The following PXDN variants were observed in gnomAD, a reference collection of about 807,000 sequenced individuals.
The protein encoded by PXDN is peroxidasin homolog.
Under a neutral mutation model 140.3 loss-of-function variants are expected in PXDN, and 77 were observed. The ratio of observed to expected loss-of-function variants is 0.55; its 90% CI spans 0.46 to 0.66. The LOEUF is 0.66. Ranked by LOEUF, PXDN falls within the 30% of genes least tolerant of loss-of-function variation. The pLI is 0.00. For synonymous variants in PXDN, 911 were observed against 857.4 expected, an observed-to-expected ratio of 1.06 and a Z score of -1.09; for missense variants, 1,838 against 2,039.5, an observed-to-expected ratio of 0.90 and a Z score of 1.90.
chr2:1,737,156 A>C (rs1404446594), intron 1 of PXDN, among the ~76,000 whole-genome samples: 1 of 152,222 alleles, frequency 6.6e-6, no homozygotes, highest in East Asian at 1.9e-4. Context: ...GGAGGCAGTC[A>C]GATCTGGAAT....
chr2:1,663,996 G>A (rs1558497923), intron 11 of PXDN: 1 of 548,150 alleles, frequency 1.8e-6, no homozygotes, highest in East Asian at 3.1e-5. Flanking sequence ...AGAACAGAGG[G>A]AAAAGCACTA....
chr2:1,665,136 C>T (rs566443409), intron 10 of PXDN, 62 bp from the exon 11 acceptor site: 3 of 1,252,088 alleles, frequency 2.4e-6, no homozygotes, highest in South Asian at 2.6e-5. Context: ...AAAAACGCGA[C>T]CAAGAAAATG....
chr2:1,662,076 T>A lies in PXDN; in HGVS notation c.1676A>T (p.Asn559Ile), dbSNP rs766652145. 1 of 1,589,958 alleles carries A rather than the reference T, an allele frequency of 6.3e-7. No individual in the cohort carries two copies. Among genetic ancestry groups the A allele is most frequent in the Non-Finnish European group, 8.6e-7 (1 of 1,168,280 alleles). The change falls in exon 13 of 23, where the codon AAC (asparagine) becomes ATC (isoleucine). Residue 559 changes from asparagine to isoleucine, a missense_variant. Asn to Ile is a moderately radical substitution (Grantham distance 149). This residue lies in a region of PXDN where 537 missense variants were observed against 583.9 expected (regional missense o/e 0.92). Coordinates refer to ENST00000252804, the MANE Select transcript of PXDN (RefSeq NM_012293.3). ...QGEPEPAITW[N>I]KDGVQVTESG... ...CTCGGGCACCAGACCGCCTACCTTG[T>A]TCCAGGTGATGGCTGGCTCGGGCTC...
rs1684846889 is a variant in PXDN at position 1,714,208 on chromosome 2, A to G, written c.201-21074T>C. Among the ~76,000 whole-genome samples, 1 of 152,144 alleles carries G rather than the reference A, an allele frequency of 6.6e-6. No individual in the cohort carries two copies. The highest frequency in any genetic ancestry group is 2.4e-5 in the African/African-American group (1 of 41,430). ...GCTCTTACATCTGCACTTGATTACT[A>G]TGGATTTACACGTCACACCCGCAGC... On this transcript the variant is annotated intron_variant, in intron 1 of 22. Coordinates refer to ENST00000252804, the MANE Select transcript of PXDN (RefSeq NM_012293.3). The surrounding 1 kb of genome is among the most constrained non-coding windows in gnomAD (Gnocchi z 4.3).
At chr2:1,635,879 C>T (rs980773035) in intron 21 of PXDN, 1 of 352,034 alleles carries the variant, frequency 2.8e-6, no homozygotes, top group Admixed American at 4.1e-5. Flanking sequence ...GTCAAGTCTG[C>T]CTTATTTTCC....
rs1182734865 is a variant in PXDN at position 1,649,470 on chromosome 2, C to T, written c.2310G>A (p.Val770=). Residue 770 remains valine (V), a synonymous_variant, in exon 17 of 23, where the codon GTG becomes GTA. Coordinates refer to ENST00000252804, the MANE Select transcript of PXDN (RefSeq NM_012293.3). The surrounding 1 kb of genome is among the most constrained non-coding windows in gnomAD (Gnocchi z 7.1). ...GAGGGGTGTTGAAGCCATTCTCGTACACGGATTTCAGCAGGCGCTCGAAGG... is the reference window on the plus strand; with the variant it reads ...GAGGGGTGTTGAAGCCATTCTCGTATACGGATTTCAGCAGGCGCTCGAAGG... ...LTAFERLLKS[V]YENGFNTPRG... is the part of the protein sequence containing the mutation. 1.2e-6 allele frequency: 2 copies of T among 1,613,998 alleles called. No individual in the cohort carries two copies. Among genetic ancestry groups the T allele is most frequent in the East Asian group, 2.2e-5 (1 of 44,858 alleles).
Position 1,634,266 on chromosome 2 carries a change from CG to C in PXDN, c.4377del (p.Val1460Ter). ...GGACAGCAGGCCCCTGGGATGTTCA[CG>C]GGGACAGCACAGGTGGCAGGGGGGC... Reference protein sequence around the residue: ...EACPPATCAVPVNIPGACCPV... With the variant: ...EACPPATCAVXVNIPGACCPV... On this transcript the variant is annotated frameshift_variant, in exon 23 of 23. Transcript: ENST00000252804. LOFTEE classifies it low-confidence loss of function (END_TRUNC). 6.2e-7 allele frequency: 1 copy of C among 1,607,970 alleles called. No individual in the cohort carries two copies. The highest frequency in any genetic ancestry group is 8.5e-7 in the Non-Finnish European group (1 of 1,177,486).
Position 1,728,084 on chromosome 2 carries a change from G to A in PXDN, c.200+16172C>T, listed in dbSNP as rs1685231113. On this transcript the variant is annotated intron_variant, in intron 1 of 22. Transcript: ENST00000252804. ...CAAGTGAGTAGCCAGGACTACAGGC[G>A]TATACCACCATGTGCAGCTAATTTT... Among the ~76,000 whole-genome samples the A allele has an allele frequency of 3.3e-5, 5 of 152,226 alleles. No homozygotes were observed. The South Asian group carries it at 8.3e-4, about 25-fold the overall frequency.
chr2:1,706,185 G>T (rs915106583), intron 1 of PXDN, among the ~76,000 whole-genome samples: 2 of 152,160 alleles, frequency 1.3e-5, no homozygotes, highest in African/African-American at 4.8e-5. Flanking sequence ...GAGCTCCCGG[G>T]TTATTCTATG....
chr2:1,686,826 G>A (rs563125695), intron 4 of PXDN, among the ~76,000 whole-genome samples: 37 of 152,294 alleles, frequency 2.4e-4, no homozygotes, highest in Middle Eastern at 6.8e-3. Context: ...ACATCGCTGT[G>A]TCCAGTGAGC....
intron 4 of PXDN, among the ~76,000 whole-genome samples, chr2:1,684,856 T>C (rs1373476573): frequency 5.3e-5 from 8 of 152,260 alleles, no homozygotes; most frequent in Non-Finnish European, 1.2e-4. Flanking sequence ...GTGGGTTTTT[T>C]CCTCTTAAGT....
intron 1 of PXDN, among the ~76,000 whole-genome samples, chr2:1,693,981 C>T (rs777236754): frequency 3.3e-5 from 5 of 152,176 alleles, no homozygotes; most frequent in Admixed American, 6.5e-5. Flanking sequence ...CATGCAGAGG[C>T]GTCGGCTCTA....
intron 19 of PXDN, among the ~76,000 whole-genome samples, chr2:1,641,828 A>G (rs1460451842): frequency 6.6e-6 from 1 of 152,222 alleles, no homozygotes; most frequent in Non-Finnish European, 1.5e-5. Flanking sequence ...ACTTCTTAAT[A>G]AGCAGCTAAC....
intron 1 of PXDN, 79 bp downstream of exon 1, chr2:1,744,177 C>T (rs928307414): frequency 1.5e-6 from 2 of 1,326,640 alleles, no homozygotes; most frequent in Admixed American, 3.3e-5. Context: ...CCGCGCCCCC[C>T]ACCTCCGATC....
intron 1 of PXDN, among the ~76,000 whole-genome samples, chr2:1,697,628 T>C (rs1194829739): frequency 6.6e-6 from 1 of 151,964 alleles, no homozygotes; most frequent in Non-Finnish European, 1.5e-5. Context: ...GGGAAAAACT[T>C]CCCCCAAATT....
At chr2:1,740,240 G>A (rs1405271382) in intron 1 of PXDN, among the ~76,000 whole-genome samples, 2 of 152,190 alleles carry the variant, frequency 1.3e-5, no homozygotes, top group Admixed American at 1.3e-4. Flanking sequence ...GCACCAGCCA[G>A]CCGGCTCCCT....
chr2:1,735,750 G>C (rs968435520), intron 1 of PXDN, among the ~76,000 whole-genome samples: 10 of 152,162 alleles, frequency 6.6e-5, no homozygotes, highest in Non-Finnish European at 1.5e-5. Context: ...TCAGTTTAAA[G>C]TCACCAGCTG....
intron 1 of PXDN, among the ~76,000 whole-genome samples, chr2:1,716,309 A>C (rs375469950): frequency 1.1e-4 from 17 of 152,112 alleles, no homozygotes; most frequent in African/African-American, 3.9e-4. Flanking sequence ...ATGGTGGTAC[A>C]TACCTGTAAT....
chr2:1,718,953 G>A (rs1472957201), intron 1 of PXDN, among the ~76,000 whole-genome samples: 13 of 152,216 alleles, frequency 8.5e-5, no homozygotes, highest in Non-Finnish European at 1.9e-4. Context: ...GCCCAGCCCC[G>A]AAGACCATAC....
Sources: gnomAD v4.1 joint callset for allele counts (sites outside exome capture counted in the v4.1 genomes callset) on GRCh38, gnomAD v4.1.1 for gene constraint, gnomAD v4.1.1 regional missense constraint, Gnocchi (gnomAD v3.1) non-coding constraint, MANE v1.5 for transcripts, NCBI Gene and HGNC (gene_info 2026-07-23, HGNC 2026-07-21) for gene names.